The following UBE2D3 variants were observed in gnomAD, a reference collection of about 807,000 sequenced individuals.
The protein encoded by UBE2D3 is ubiquitin-conjugating enzyme E2 D3.
In UBE2D3, 2 loss-of-function variants were observed where a neutral mutation model predicts 22.8. That is an observed-to-expected ratio of 0.09 (90% CI 0.04 to 0.28). The LOEUF (loss-of-function observed/expected upper bound fraction) is 0.28, where lower values mean the gene tolerates loss of function less well. UBE2D3 is among the 10% of genes least tolerant of loss of function. The pLI, the probability that UBE2D3 is intolerant of heterozygous loss-of-function variation, is 1.00. For synonymous variants in UBE2D3, 56 were observed against 60.4 expected (o/e 0.93, Z 0.34); for missense variants, 27 against 182.5 (o/e 0.15, Z 4.91).
chr4:102,821,903 ACTG>A (rs1729681563), intron 2 of UBE2D3, among the ~76,000 whole-genome samples: 1 of 152,210 alleles, frequency 6.6e-6, no homozygotes, highest in African/African-American at 2.4e-5. Flanking sequence ...ATACAAGAAA[ACTG>A]CTATTTAAAA....
chr4:102,808,886 ATTAC>A (rs1446136236), intron 4 of UBE2D3, among the ~76,000 whole-genome samples: 10 of 152,164 alleles, frequency 6.6e-5, no homozygotes, highest in African/African-American at 2.4e-4. Context: ...AATTCTAAAT[ATTAC>A]TTACTGACCA....
intron 2 of UBE2D3, among the ~76,000 whole-genome samples, chr4:102,823,015 CACTT>C (rs1021874443): frequency 4.5e-4 from 68 of 152,314 alleles, no homozygotes; most frequent in African/African-American, 1.4e-3. Flanking sequence ...GAATCCCAGT[CACTT>C]ACTAGTTGTG....
At chr4:102,868,447 G>A (rs140295659) in intron 1 of UBE2D3, among the ~76,000 whole-genome samples, 1,555 of 152,316 alleles carry the variant, frequency 0.01, 34 homozygotes, top group African/African-American at 0.034. Flanking sequence ...AATCTTCTCT[G>A]AGTGGCAAAA....
At position 102,826,549 on chromosome 4, in the gene UBE2D3, T is replaced by C. The variant is rs919386139; in HGVS notation, c.-41A>G. Reference sequence around the variant, plus strand: ...TCTGGCTCCTCACTCTCTCGGTGTATGCTCAAAGGTCCGGCCAAAACTCTT... The same window carrying C: ...TCTGGCTCCTCACTCTCTCGGTGTACGCTCAAAGGTCCGGCCAAAACTCTT... On this transcript the variant is annotated 5_prime_UTR_variant, in exon 2 of 8. Transcript: ENST00000453744. 1.1e-5 allele frequency: 18 copies of C among 1,611,576 alleles called. No homozygotes were observed. The highest frequency in any genetic ancestry group is 4.5e-5 in the East Asian group (2 of 44,874).
chr4:102,821,990 GTTTC>G (rs1336062899), intron 2 of UBE2D3, among the ~76,000 whole-genome samples: 1 of 152,130 alleles, frequency 6.6e-6, no homozygotes, highest in Non-Finnish European at 1.5e-5. Flanking sequence ...TACGAACCTA[GTTTC>G]TTTTTTAATA....
upstream of UBE2D3, chr4:102,827,633 G>A (rs1560876446): frequency 1.6e-5 from 16 of 986,576 alleles, no homozygotes; most frequent in Non-Finnish European, 1.9e-5. Context: ...CCGCCGTCCC[G>A]AGCACAAGAC....
chr4:102,827,292 A>T, intron 1 of UBE2D3, 135 bp downstream of exon 1: 2 of 953,606 alleles, frequency 2.1e-6, no homozygotes, highest in African/African-American at 1.8e-5. Flanking sequence ...CGGCTTCCCC[A>T]ACCTTCCCAC....
chr4:102,828,308 G>T, upstream of UBE2D3: 3 of 974,824 alleles, frequency 3.1e-6, no homozygotes, highest in Non-Finnish European at 3.7e-6. Flanking sequence ...TGAGGTTTCC[G>T]GTGGAGCAGG....
At chr4:102,866,183 G>T (rs530698427) in intron 1 of UBE2D3, among the ~76,000 whole-genome samples, 7 of 152,096 alleles carry the variant, frequency 4.6e-5, no homozygotes, top group South Asian at 2.1e-4. Context: ...TTACACATTC[G>T]CATAGCTCAT....
At chr4:102,828,899 T>C (rs1730944033), upstream of UBE2D3, among the ~76,000 whole-genome samples, 1 of 152,194 alleles carries the variant, frequency 6.6e-6, no homozygotes, top group Non-Finnish European at 1.5e-5. Flanking sequence ...CTGACCAGCT[T>C]AAGGTTTTTT....
intron 1 of UBE2D3, among the ~76,000 whole-genome samples, chr4:102,866,184 C>A (rs1336070596): frequency 6.6e-6 from 1 of 152,182 alleles, no homozygotes. Flanking sequence ...TACACATTCG[C>A]ATAGCTCATG....
In UBE2D3 at chr4:102,826,543, G is replaced by C. The variant is rs765687570; in HGVS notation, c.-35C>G. 7 of 1,612,018 alleles carry C rather than the reference G, an allele frequency of 4.3e-6. No homozygotes were observed. The highest frequency in any genetic ancestry group is 3.3e-5 in the South Asian group (3 of 91,040). On this transcript the variant is annotated 5_prime_UTR_variant, in exon 2 of 8. Transcript: ENST00000453744. ...TTGTCGTCTGGCTCCTCACTCTCTC[G>C]GTGTATGCTCAAAGGTCCGGCCAAA...
chr4:102,802,438 T>C (rs2110257410), intron 5 of UBE2D3, 123 bp downstream of exon 5: 1 of 673,600 alleles, frequency 1.5e-6, no homozygotes, highest in East Asian at 2.9e-5. Flanking sequence ...AGTCAGCATC[T>C]ATACATGAGT....
intron 1 of UBE2D3, chr4:102,843,704 T>C (rs1269692963): frequency 1.3e-5 from 2 of 152,232 alleles, no homozygotes; most frequent in Non-Finnish European, 2.9e-5. Flanking sequence ...AAGGTTCATC[T>C]TGCACCTTCT....
At chr4:102,806,058 T>C (rs1726983795) in intron 4 of UBE2D3, among the ~76,000 whole-genome samples, 1 of 152,224 alleles carries the variant, frequency 6.6e-6, no homozygotes, top group Admixed American at 6.5e-5. Context: ...AGCTTACTAA[T>C]GATTATCCCT....
At chr4:102,822,972 A>G (rs530970726) in intron 2 of UBE2D3, among the ~76,000 whole-genome samples, 19 of 152,266 alleles carry the variant, frequency 1.2e-4, no homozygotes, top group Non-Finnish European at 1.2e-4. Context: ...ATGGTTCAAA[A>G]AAGAGCTTGA....
At chr4:102,839,711 T>C (rs1731633432) in intron 1 of UBE2D3, among the ~76,000 whole-genome samples, 1 of 152,076 alleles carries the variant, frequency 6.6e-6, no homozygotes, top group African/African-American at 2.4e-5. Flanking sequence ...AGAAAACAGG[T>C]AAACCACTTC....
chr4:102,812,175 C>G (rs1728157378), intron 2 of UBE2D3: 1 of 155,292 alleles, frequency 6.4e-6, no homozygotes, highest in African/African-American at 2.4e-5. Flanking sequence ...TGCCTGTAGT[C>G]CCAGCTACTC....
chr4:102,824,809 T>C (rs564630824), intron 2 of UBE2D3, among the ~76,000 whole-genome samples: 4 of 152,378 alleles, frequency 2.6e-5, no homozygotes, highest in African/African-American at 9.6e-5. Flanking sequence ...CTGAATGTTA[T>C]GCTCTTTGTG....
Sources: allele counts gnomAD v4.1 joint callset (sites outside exome capture counted in the v4.1 genomes callset), GRCh38; gene constraint gnomAD v4.1.1; transcripts MANE v1.5; gene names NCBI Gene and HGNC (gene_info 2026-07-23, HGNC 2026-07-21).